Variants in STAU2 observed in about 807,000 individuals in gnomAD.
The protein encoded by STAU2 is double-stranded RNA-binding protein Staufen homolog 2.
In STAU2, 20 loss-of-function variants were observed where a neutral mutation model predicts 65.9. The ratio of observed to expected loss-of-function variants is 0.30; its 90% CI spans 0.21 to 0.44. The LOEUF is 0.44. Among genes scored for constraint, STAU2 ranks in the 20% least tolerant of loss-of-function variants. The pLI is 1.00. For synonymous variants in STAU2, 232 were observed against 233.9 expected (o/e 0.99, Z 0.07); for missense variants, 558 against 683.9 (o/e 0.82, Z 2.05).
chr8:73,529,093 G>T (rs1483888707), intron 13 of STAU2, among the ~76,000 whole-genome samples: 2 of 152,068 alleles, frequency 1.3e-5, no homozygotes, highest in Non-Finnish European at 2.9e-5. Context: ...GTACTATAAA[G>T]ATTTTGTTAT....
At chr8:73,569,520 T>C (rs894715334) in intron 12 of STAU2, among the ~76,000 whole-genome samples, 5 of 151,596 alleles carry the variant, frequency 3.3e-5, no homozygotes, top group African/African-American at 1.2e-4. Flanking sequence ...CTCAAGTGGG[T>C]CCCTGACCCC....
intron 3 of STAU2, among the ~76,000 whole-genome samples, chr8:73,735,654 A>G (rs960834354): frequency 1.1e-4 from 17 of 152,240 alleles, no homozygotes; most frequent in African/African-American, 4.1e-4. Context: ...CATTTTGGAT[A>G]AGGAATACTC....
intron 3 of STAU2, among the ~76,000 whole-genome samples, chr8:73,727,158 A>G (rs776216604): frequency 5.3e-5 from 8 of 152,160 alleles, no homozygotes; most frequent in Non-Finnish European, 1.2e-4. Context: ...TGAACCCGGG[A>G]GGCAGAGGTT....
chr8:73,542,043 CA>C (rs1442297847), intron 13 of STAU2, among the ~76,000 whole-genome samples: 1 of 151,184 alleles, frequency 6.6e-6, no homozygotes, highest in Non-Finnish European at 1.5e-5. Flanking sequence ...CAAAACATTC[CA>C]AAAATGGTTA....
chr8:73,648,652 T>C (rs920513486), intron 6 of STAU2, among the ~76,000 whole-genome samples: 2 of 152,192 alleles, frequency 1.3e-5, no homozygotes, highest in African/African-American at 2.4e-5. Flanking sequence ...GTGATAAGTA[T>C]ACAAAAAATA....
chr8:73,631,232 G>A (rs984283581), intron 6 of STAU2, among the ~76,000 whole-genome samples: 33 of 152,218 alleles, frequency 2.2e-4, no homozygotes, highest in African/African-American at 7.2e-4. Flanking sequence ...GTACACCCTT[G>A]TAGTTCCAGC....
At chr8:73,589,710 C>A (rs1350040485) in intron 11 of STAU2, among the ~76,000 whole-genome samples, 2 of 151,868 alleles carry the variant, frequency 1.3e-5, no homozygotes, top group Non-Finnish European at 2.9e-5. Flanking sequence ...AAGACAATAC[C>A]AATGGTCTAA....
chr8:73,724,264 T>C (rs1431603477), intron 3 of STAU2, among the ~76,000 whole-genome samples: 1 of 152,128 alleles, frequency 6.6e-6, no homozygotes, highest in African/African-American at 2.4e-5. Flanking sequence ...GGTAGGATTG[T>C]TTCAAGAGGA....
chr8:73,694,418 C>A (rs1819562250), intron 4 of STAU2, among the ~76,000 whole-genome samples: 1 of 152,206 alleles, frequency 6.6e-6, no homozygotes, highest in South Asian at 2.1e-4. Flanking sequence ...TTTACCAAGA[C>A]AGACCATATT....
rs760091300 is a variant in STAU2 at position 73,603,821 on chromosome 8, G to A, written c.934C>T (p.Leu312=). The change falls in exon 10 of 15, where the codon CTG becomes TTG. Residue 312 remains leucine (L), a synonymous_variant. Transcript: ENST00000524300. ...YGQGMNPISR[L]AQIQQAKKEK... is the part of the protein sequence containing the mutation. ...TTTTTGGCCTGTTGAATTTGCGCCA[G>A]GCGGCTAATAGGGTTCATCCCTTGG... 4.3e-6 allele frequency: 7 copies of A among 1,612,058 alleles called. No individual in the cohort carries two copies. Among genetic ancestry groups the A allele is most frequent in the Non-Finnish European group, 5.9e-6 (7 of 1,179,894 alleles).
intron 5 of STAU2, among the ~76,000 whole-genome samples, chr8:73,676,504 C>A (rs1168120687): frequency 6.6e-6 from 1 of 152,158 alleles, no homozygotes; most frequent in African/African-American, 2.4e-5. Flanking sequence ...GTAAGAGACA[C>A]AGGTGTATTA....
At chr8:73,513,850 C>T (rs1229299222) in intron 13 of STAU2, among the ~76,000 whole-genome samples, 2 of 152,168 alleles carry the variant, frequency 1.3e-5, no homozygotes, top group African/African-American at 4.8e-5. Context: ...TGATGGTTTT[C>T]ATGGCCTTCT....
At chr8:73,501,585 G>A (rs1821754731) in intron 13 of STAU2, among the ~76,000 whole-genome samples, 1 of 151,848 alleles carries the variant, frequency 6.6e-6, no homozygotes, top group Admixed American at 6.6e-5. Flanking sequence ...AAAGGTAAAA[G>A]CTTAGGTCAG....
chr8:73,466,037 C>T (rs987118452), intron 13 of STAU2, among the ~76,000 whole-genome samples: 1 of 152,170 alleles, frequency 6.6e-6, no homozygotes, highest in African/African-American at 2.4e-5. Context: ...CCCCTGTTTT[C>T]AAAGGCAGTG....
chr8:73,480,404 TA>T (rs1462853005), intron 13 of STAU2, among the ~76,000 whole-genome samples: 1 of 152,150 alleles, frequency 6.6e-6, no homozygotes, highest in Non-Finnish European at 1.5e-5. Flanking sequence ...CAGAGATAAG[TA>T]ACTTTCAAGA....
chr8:73,462,518 T>C (rs1288052695), intron 13 of STAU2, among the ~76,000 whole-genome samples: 1 of 151,906 alleles, frequency 6.6e-6, no homozygotes, highest in Non-Finnish European at 1.5e-5. Context: ...ACCTCAGCCC[T>C]CCAAGTAGCT....
At chr8:73,464,450 T>C (rs1238636104) in intron 13 of STAU2, among the ~76,000 whole-genome samples, 1 of 152,202 alleles carries the variant, frequency 6.6e-6, no homozygotes, top group Non-Finnish European at 1.5e-5. Flanking sequence ...CTGCCAATCT[T>C]GAAATATTCT....
chr8:73,603,702 A>G (rs762409407), intron 10 of STAU2, 24 bp downstream of exon 10: 4 of 1,601,638 alleles, frequency 2.5e-6, no homozygotes, highest in South Asian at 2.3e-5. Context: ...AATCTTTTCA[A>G]TAGTTTTAAA....
At chr8:73,727,436 C>T (rs1805723745) in intron 3 of STAU2, among the ~76,000 whole-genome samples, 1 of 152,160 alleles carries the variant, frequency 6.6e-6, no homozygotes, top group Non-Finnish European at 1.5e-5. Flanking sequence ...CATAGATTAC[C>T]TATTGTGGAT....
Sources: gnomAD v4.1 joint callset for allele counts (sites outside exome capture counted in the v4.1 genomes callset) on GRCh38, gnomAD v4.1.1 for gene constraint, MANE v1.5 for transcripts, NCBI Gene and HGNC (gene_info 2026-07-23, HGNC 2026-07-21) for gene names.